The following CNBD1 variants were observed in gnomAD, a reference collection of about 807,000 sequenced individuals.
CNBD1 encodes the protein cyclic nucleotide-binding domain-containing protein 1.
In CNBD1, 71 loss-of-function variants were observed where a neutral mutation model predicts 54.4. That is an observed-to-expected ratio of 1.30 (90% CI 1.08 to 1.59). CNBD1 has a LOEUF of 1.59. Ranked by LOEUF, CNBD1 falls within the 40% of genes most tolerant of loss-of-function variation. CNBD1 has a pLI of 0.00. For synonymous variants in CNBD1, 182 were observed against 170.7 expected, an observed-to-expected ratio of 1.07 and a Z score of -0.51; for missense variants, 659 against 518.0, an observed-to-expected ratio of 1.27 and a Z score of -2.64.
chr8:87,301,602 A>G (rs963389623), intron 8 of CNBD1, among the ~76,000 whole-genome samples: 2 of 152,152 alleles, frequency 1.3e-5, no homozygotes, highest in Non-Finnish European at 2.9e-5. Flanking sequence ...TAAATGTGAT[A>G]CACCACATAA....
At chr8:87,427,937 G>C (rs1156488033) in intron 2 of CNBD1, among the ~76,000 whole-genome samples, 2 of 151,956 alleles carry the variant, frequency 1.3e-5, no homozygotes, top group East Asian at 3.9e-4. Flanking sequence ...CTTCACCAAA[G>C]CCCCCCCAGC....
intron 8 of CNBD1, among the ~76,000 whole-genome samples, chr8:87,315,035 C>G (rs1809354093): frequency 6.6e-6 from 1 of 151,896 alleles, no homozygotes; most frequent in South Asian, 2.1e-4. Context: ...GAAAATTTAA[C>G]AAGCAAAAGT....
intron 8 of CNBD1, among the ~76,000 whole-genome samples, chr8:87,289,122 A>G (rs955531848): frequency 1.1e-4 from 17 of 152,140 alleles, no homozygotes; most frequent in Admixed American, 5.2e-4. Flanking sequence ...TAGCAGTAGT[A>G]TGATTTCCAA....
intron 4 of CNBD1, among the ~76,000 whole-genome samples, chr8:86,951,805 G>GA (rs955006696): frequency 2.7e-5 from 4 of 150,374 alleles, no homozygotes; most frequent in Middle Eastern, 3.4e-3. Context: ...GTTGTGAAAA[G>GA]AAAAAAAAAT....
At chr8:87,295,414 G>T (rs1202599651) in intron 8 of CNBD1, among the ~76,000 whole-genome samples, 1 of 151,394 alleles carries the variant, frequency 6.6e-6, no homozygotes, top group African/African-American at 2.4e-5. Context: ...TTAAAGTACT[G>T]CTTATTTAAA....
chr8:87,054,658 G>C (rs961595345), intron 4 of CNBD1, among the ~76,000 whole-genome samples: 9 of 152,214 alleles, frequency 5.9e-5, no homozygotes, highest in African/African-American at 2.2e-4. Context: ...GAAAACTCTG[G>C]AAGTCCTGGT....
intron 8 of CNBD1, among the ~76,000 whole-genome samples, chr8:87,336,687 C>T (rs1320070108): frequency 6.6e-6 from 1 of 152,180 alleles, no homozygotes; most frequent in Non-Finnish European, 1.5e-5. Flanking sequence ...CCTTCTGAAG[C>T]CTACTTCTAT....
intron 8 of CNBD1, among the ~76,000 whole-genome samples, chr8:87,349,547 T>C (rs1586036300): frequency 1.3e-5 from 2 of 152,186 alleles, no homozygotes; most frequent in East Asian, 3.9e-4. Context: ...AACTAGTTTT[T>C]GTATTTTTAG....
intron 8 of CNBD1, among the ~76,000 whole-genome samples, chr8:87,335,234 G>C (rs888642914): frequency 2.6e-5 from 4 of 152,136 alleles, no homozygotes; most frequent in African/African-American, 9.7e-5. Context: ...TTGATACAGA[G>C]CTGAGTTTGA....
At chr8:87,010,011 G>A (rs1809182386) in intron 4 of CNBD1, among the ~76,000 whole-genome samples, 1 of 152,012 alleles carries the variant, frequency 6.6e-6, no homozygotes, top group Admixed American at 6.6e-5. Context: ...GCTGTTTGAA[G>A]GGAATATCCT....
At chr8:87,426,660 G>T (rs374478227) in intron 2 of CNBD1, among the ~76,000 whole-genome samples, 1 of 152,094 alleles carries the variant, frequency 6.6e-6, no homozygotes, top group African/African-American at 2.4e-5. Flanking sequence ...TTGTAAAATT[G>T]TGGCGCGGCT....
chr8:87,087,990 A>G (rs774126111), intron 4 of CNBD1, among the ~76,000 whole-genome samples: 1 of 152,222 alleles, frequency 6.6e-6, no homozygotes, highest in Non-Finnish European at 1.5e-5. Context: ...GAAACAGAGA[A>G]AAAAATTCTG....
chr8:87,144,193 C>T (rs887102411), intron 4 of CNBD1, among the ~76,000 whole-genome samples: 2 of 152,090 alleles, frequency 1.3e-5, no homozygotes, highest in Non-Finnish European at 2.9e-5. Flanking sequence ...AAGTGTTCTC[C>T]GGTTGATAAA....
At chr8:87,142,962 C>A (rs1812401551) in intron 4 of CNBD1, among the ~76,000 whole-genome samples, 1 of 152,024 alleles carries the variant, frequency 6.6e-6, no homozygotes, top group Non-Finnish European at 1.5e-5. Flanking sequence ...TAGTTGTGAA[C>A]AAAACAAACC....
intron 2 of CNBD1, among the ~76,000 whole-genome samples, chr8:87,423,923 G>A (rs1807992915): frequency 6.6e-6 from 1 of 152,160 alleles, no homozygotes; most frequent in South Asian, 2.1e-4. Flanking sequence ...TTTTTGGTTG[G>A]TAAGCTATTG....
intron 4 of CNBD1, among the ~76,000 whole-genome samples, chr8:86,980,589 G>A (rs1808465303): frequency 6.6e-6 from 1 of 152,140 alleles, no homozygotes; most frequent in South Asian, 2.1e-4. Flanking sequence ...CTCATGTATT[G>A]TAGAATCATT....
chr8:87,307,551 A>C (rs578009530), intron 8 of CNBD1, among the ~76,000 whole-genome samples: 4 of 152,248 alleles, frequency 2.6e-5, no homozygotes, highest in Admixed American at 2.6e-4. Flanking sequence ...CAGCCTGGAC[A>C]ACATGGCGAA....
chr8:87,016,968 C>T (rs1488737787), intron 4 of CNBD1, among the ~76,000 whole-genome samples: 3 of 152,148 alleles, frequency 2.0e-5, no homozygotes, highest in African/African-American at 4.8e-5. Flanking sequence ...CTGTTACCCA[C>T]GTCATGGTAA....
chr8:86,925,684 C>T (rs370052239), intron 3 of CNBD1, among the ~76,000 whole-genome samples: 1 of 147,440 alleles, frequency 6.8e-6, no homozygotes, highest in East Asian at 2.0e-4. Context: ...AGTTTGTGAT[C>T]AGCCTTGCTA....
Sources: allele counts gnomAD v4.1 joint callset (sites outside exome capture counted in the v4.1 genomes callset), GRCh38; gene constraint gnomAD v4.1.1; transcripts MANE v1.5; gene names NCBI Gene and HGNC (gene_info 2026-07-23, HGNC 2026-07-21).